The following TMEM156 variants were observed in gnomAD, a reference collection of about 807,000 sequenced individuals.
TMEM156 encodes the protein transmembrane protein 156.
Under a neutral mutation model 30.5 loss-of-function variants are expected in TMEM156, and 28 were observed. The ratio of observed to expected loss-of-function variants is 0.92; its 90% CI spans 0.68 to 1.26. The LOEUF is 1.26. TMEM156 is among the 50% of genes most tolerant of loss of function. TMEM156 has a pLI of 0.00. For missense variants in TMEM156, 351 were observed against 340.6 expected, an observed-to-expected ratio of 1.03 and a Z score of -0.24; for synonymous variants, 137 against 119.9, an observed-to-expected ratio of 1.14 and a Z score of -0.93.
chr4:38,992,694 T>TTATATTA, intron 3 of TMEM156, among the ~76,000 whole-genome samples: 1 of 43,968 alleles, frequency 2.3e-5, no homozygotes, highest in African/African-American at 8.6e-5. Context: ...ATATAATATA[T>TTATATTA]TATATAATAT....
chr4:38,996,485 T>C (rs1327291949), intron 2 of TMEM156, among the ~76,000 whole-genome samples: 1 of 151,646 alleles, frequency 6.6e-6, no homozygotes, highest in Admixed American at 6.6e-5. Flanking sequence ...GGCAGGAGAA[T>C]CGCTTGAAAC....
intron 1 of TMEM156, among the ~76,000 whole-genome samples, chr4:39,005,085 G>A (rs1248933650): frequency 6.6e-6 from 1 of 152,162 alleles, no homozygotes; most frequent in African/African-American, 2.4e-5. Context: ...CAGCGTGGAT[G>A]AATCTCAAAA....
At chr4:39,004,806 C>A (rs1713616187) in intron 1 of TMEM156, among the ~76,000 whole-genome samples, 1 of 152,074 alleles carries the variant, frequency 6.6e-6, no homozygotes, top group Admixed American at 6.6e-5. Flanking sequence ...ATAGTATAAT[C>A]ATTCTGGAAA....
chr4:39,006,657 C>T lies in TMEM156; in HGVS notation c.89-7748G>A, dbSNP rs146257186. On this transcript the variant is annotated intron_variant, in intron 1 of 6. Transcript: ENST00000381938. ...ACTGCCTGGGCACAGTGGCTCATGC[C>T]TGTAATCCCAGCCCTTTGGGAGGCC... Among the ~76,000 whole-genome samples the T allele has an allele frequency of 4.9e-3, 749 of 152,276 alleles. 2 individuals are homozygous for T. Among genetic ancestry groups the T allele is most frequent in the Non-Finnish European group, 8.0e-3 (545 of 68,020 alleles).
intron 1 of TMEM156, among the ~76,000 whole-genome samples, chr4:39,020,124 A>G (rs1714763001): frequency 6.6e-6 from 1 of 152,216 alleles, no homozygotes; most frequent in African/African-American, 2.4e-5. Flanking sequence ...ACTGTTGCAA[A>G]AGACAGAATT....
chr4:39,011,511 C>G (rs1391728730), intron 1 of TMEM156, among the ~76,000 whole-genome samples: 1 of 152,204 alleles, frequency 6.6e-6, no homozygotes, highest in Non-Finnish European at 1.5e-5. Context: ...AGTGGTGGCT[C>G]ATGCCTGTAA....
intron 2 of TMEM156, among the ~76,000 whole-genome samples, chr4:38,996,822 C>T (rs893984025): frequency 2.6e-5 from 4 of 152,086 alleles, no homozygotes; most frequent in African/African-American, 7.2e-5. Flanking sequence ...CAGCATCATT[C>T]ACAACAGCCA....
In TMEM156 at chr4:38,992,724, AAT is replaced by A. The variant is rs1457335887; in HGVS notation, c.619+1012_619+1013del. ...TAATATATATATATTATATATATAT[AAT>A]ATATATATAATATATAATATATTAT... is the stretch of plus-strand genomic sequence containing the variant. On this transcript the variant is annotated intron_variant, in intron 3 of 6. Transcript: ENST00000381938. Among the ~76,000 whole-genome samples, 119 of 53,594 alleles carry A rather than the reference AAT, an allele frequency of 2.2e-3. 1 individual carries two copies. Among genetic ancestry groups the A allele is most frequent in the Admixed American group, 6.0e-3 (28 of 4,658 alleles). The allele number at this position is 53,594 out of a possible 152,430, so 35.2% of individuals were successfully genotyped here.
intron 5 of TMEM156, among the ~76,000 whole-genome samples, chr4:38,974,550 A>G (rs1722758225): frequency 6.6e-6 from 1 of 152,174 alleles, no homozygotes; most frequent in African/African-American, 2.4e-5. Context: ...TTTGAAGGAC[A>G]ATTAACACAT....
chr4:39,008,030 C>A (rs925098478), intron 1 of TMEM156, among the ~76,000 whole-genome samples: 1 of 151,896 alleles, frequency 6.6e-6, no homozygotes, highest in Non-Finnish European at 1.5e-5. Flanking sequence ...ATTTTTATAG[C>A]TTTTGGGCTT....
chr4:38,978,575 AC>A (rs1723002942), intron 5 of TMEM156, among the ~76,000 whole-genome samples: 2 of 152,304 alleles, frequency 1.3e-5, no homozygotes, highest in South Asian at 4.2e-4. Flanking sequence ...CCAGAGGGCC[AC>A]CCATGATTTG....
At chr4:38,991,991 G>A (rs754934248) in intron 3 of TMEM156, among the ~76,000 whole-genome samples, 2 of 152,090 alleles carry the variant, frequency 1.3e-5, no homozygotes, top group African/African-American at 4.8e-5. Flanking sequence ...TAATTGCAGA[G>A]GTTATAGGGC....
intron 1 of TMEM156, among the ~76,000 whole-genome samples, chr4:39,004,797 T>C (rs1713615010): frequency 6.6e-6 from 1 of 152,180 alleles, no homozygotes. Context: ...GAATGTAAAA[T>C]AGTATAATCA....
At chr4:39,025,935 C>T (rs1371715826) in intron 1 of TMEM156, among the ~76,000 whole-genome samples, 1 of 152,170 alleles carries the variant, frequency 6.6e-6, no homozygotes, top group Non-Finnish European at 1.5e-5. Flanking sequence ...GAAATGCCTC[C>T]TTCAAGGTTT....
chr4:38,990,830 G>GTTTTTTTTTTTTTTTTTTTTTTTTTT (rs71304784), intron 3 of TMEM156, among the ~76,000 whole-genome samples: 8 of 81,226 alleles, frequency 9.8e-5, no homozygotes, highest in Non-Finnish European at 1.5e-4. Flanking sequence ...TTGTTTTCTG[G>GTTTTTTTTTTTTTTTTTTTTTTTTTT]TTTTTTTTTT....
At chr4:38,999,927 AGGTTT>A (rs1380682765) in intron 1 of TMEM156, among the ~76,000 whole-genome samples, 2 of 152,228 alleles carry the variant, frequency 1.3e-5, no homozygotes, top group Non-Finnish European at 2.9e-5. Context: ...TGACATTGAC[AGGTTT>A]CCAGAATTAG....
chr4:38,998,531 G>A lies in TMEM156; in HGVS notation c.358+109C>T, dbSNP rs1429059913. 8.4e-5 allele frequency: 86 copies of A among 1,017,792 alleles called. 1 individual carries two copies. Among genetic ancestry groups the A allele is most frequent in the South Asian group, 1.7e-4 (7 of 41,212 alleles). 63.0% of individuals were successfully genotyped at this position (1,017,792 alleles called of 1,614,324 possible). ...TGCACTCTAGCCTGGGCAACAGAGC[G>A]AGACTCCATCTCAAAAAAAAAAAAA... On this transcript the variant is annotated intron_variant, in intron 2 of 6. Coordinates refer to ENST00000381938, the MANE Select transcript of TMEM156 (RefSeq NM_024943.3).
In TMEM156 at chr4:39,032,350, A is replaced by G. The variant is rs1212188286; in HGVS notation, c.-37T>C. The G allele has an allele frequency of 7.6e-7, 1 of 1,320,600 alleles. No homozygotes were observed. The highest frequency in any genetic ancestry group is 1.1e-6 in the Non-Finnish European group (1 of 923,314). The allele number at this position is 1,320,600 out of a possible 1,614,324, so 81.8% of individuals were successfully genotyped here. ...TGACACAAATGTGTTCCCTTGCAGT[A>G]CATTCATGGTATGTTGCTTCCTGCT... On this transcript the variant is annotated 5_prime_UTR_variant, in exon 1 of 7. Coordinates refer to ENST00000381938, the MANE Select transcript of TMEM156 (RefSeq NM_024943.3).
intron 1 of TMEM156, among the ~76,000 whole-genome samples, chr4:39,002,133 A>G (rs1713406993): frequency 7.1e-6 from 1 of 140,520 alleles, no homozygotes; most frequent in Non-Finnish European, 1.6e-5. Flanking sequence ...CAACCTACTC[A>G]TCTGACAAAG....
Sources: allele counts gnomAD v4.1 joint callset (sites outside exome capture counted in the v4.1 genomes callset), GRCh38; gene constraint gnomAD v4.1.1; transcripts MANE v1.5; gene names NCBI Gene and HGNC (gene_info 2026-07-23, HGNC 2026-07-21).